Variants in DEUP1 observed in about 807,000 individuals in gnomAD.
DEUP1 encodes the protein deuterosome assembly protein 1.
DEUP1 carries 82 observed loss-of-function variants against 87.4 expected under a neutral mutation model. That is an observed-to-expected ratio of 0.94 (90% confidence interval 0.78 to 1.13). The LOEUF is 1.13. DEUP1 is among the 50% of genes most tolerant of loss of function. DEUP1 has a pLI of 0.00. For synonymous variants in DEUP1, 214 were observed against 222.7 expected (o/e 0.96, Z 0.35); for missense variants, 663 against 681.5 (o/e 0.97, Z 0.30).
chr11:93,330,988 G>C (rs1425573482), intron 1 of DEUP1, among the ~76,000 whole-genome samples: 1 of 152,256 alleles, frequency 6.6e-6, no homozygotes, highest in East Asian at 1.9e-4. Flanking sequence ...GCAGAGCTGC[G>C]CCCTAAGTTA....
At chr11:93,412,699 GCTA>G (rs1174933874) in intron 12 of DEUP1, among the ~76,000 whole-genome samples, 1 of 151,960 alleles carries the variant, frequency 6.6e-6, no homozygotes, top group Non-Finnish European at 1.5e-5. Flanking sequence ...TTCTTGAATC[GCTA>G]CTAATTTTTT....
At chr11:93,409,893 T>C (rs1403458646) in intron 12 of DEUP1, among the ~76,000 whole-genome samples, 1 of 152,152 alleles carries the variant, frequency 6.6e-6, no homozygotes, top group Non-Finnish European at 1.5e-5. Context: ...CCACAACTTA[T>C]GGTACATAAA....
intron 7 of DEUP1, among the ~76,000 whole-genome samples, chr11:93,376,810 G>C (rs556782184): frequency 3.0e-4 from 46 of 152,160 alleles, no homozygotes; most frequent in Non-Finnish European, 5.7e-4. Flanking sequence ...GGTTTTGATA[G>C]GCTGTGTTAC....
intron 13 of DEUP1, among the ~76,000 whole-genome samples, chr11:93,418,451 T>C (rs919810130): frequency 1.3e-5 from 2 of 152,164 alleles, no homozygotes; most frequent in African/African-American, 4.8e-5. Flanking sequence ...TCACTGGCCA[T>C]CAGAGAAATG....
chr11:93,389,879 A>G (rs889744247), intron 9 of DEUP1, among the ~76,000 whole-genome samples: 1 of 151,858 alleles, frequency 6.6e-6, no homozygotes, highest in Non-Finnish European at 1.5e-5. Flanking sequence ...TATTGCACCC[A>G]CATTTTTTCA....
At chr11:93,338,794 T>C (rs1183818823) in intron 2 of DEUP1, among the ~76,000 whole-genome samples, 2 of 152,108 alleles carry the variant, frequency 1.3e-5, no homozygotes, top group Non-Finnish European at 2.9e-5. Context: ...AAATAAAATA[T>C]AAATACCAAT....
chr11:93,365,921 C>A (rs1945393229), intron 5 of DEUP1, among the ~76,000 whole-genome samples: 1 of 152,176 alleles, frequency 6.6e-6, no homozygotes, highest in Non-Finnish European at 1.5e-5. Context: ...CAGTGTACCA[C>A]ATGTAGTAGT....
At chr11:93,389,323 T>A (rs1256743627) in intron 9 of DEUP1, among the ~76,000 whole-genome samples, 198 bp downstream of exon 9, 7 of 152,252 alleles carry the variant, frequency 4.6e-5, no homozygotes, top group Non-Finnish European at 1.0e-4. Flanking sequence ...GTTATCACTG[T>A]GCTACTGGGA....
chr11:93,339,013 G>A (rs1446536273), intron 2 of DEUP1, among the ~76,000 whole-genome samples: 1 of 152,166 alleles, frequency 6.6e-6, no homozygotes, highest in Non-Finnish European at 1.5e-5. Flanking sequence ...ATACCCATGT[G>A]CTTTCATGGA....
chr11:93,415,796 T>A (rs897582511), intron 13 of DEUP1, among the ~76,000 whole-genome samples: 13 of 152,126 alleles, frequency 8.5e-5, no homozygotes, highest in Non-Finnish European at 1.9e-4. Flanking sequence ...ATCACCCATA[T>A]TGTTTTATAC....
chr11:93,397,581 T>C (rs1428223790), intron 11 of DEUP1, among the ~76,000 whole-genome samples: 2 of 152,320 alleles, frequency 1.3e-5, no homozygotes, highest in East Asian at 3.9e-4. Flanking sequence ...TAATTCTGGC[T>C]CCTTTAGGTG....
intron 11 of DEUP1, among the ~76,000 whole-genome samples, chr11:93,399,055 C>G (rs1947032001): frequency 6.6e-6 from 1 of 152,074 alleles, no homozygotes; most frequent in African/African-American, 2.4e-5. Context: ...TTTTCCAAAT[C>G]TGTTGTTTGT....
intron 11 of DEUP1, among the ~76,000 whole-genome samples, chr11:93,404,178 T>C (rs1005374951): frequency 6.6e-6 from 1 of 152,074 alleles, no homozygotes; most frequent in Non-Finnish European, 1.5e-5. Context: ...TGGGACTAAC[T>C]ACCTGGTATC....
chr11:93,385,561 G>T lies in DEUP1; in HGVS notation c.935+18G>T. ...AAAACAAGGTATAATCTTTATATTT[G>T]ACAATCTGAGAGAACTGTTCAAAAC... On this transcript the variant is annotated intron_variant, in intron 8 of 13. Coordinates refer to ENST00000298050, the MANE Select transcript of DEUP1 (RefSeq NM_181645.4). 1.3e-6 allele frequency: 2 copies of T among 1,566,440 alleles called. No individual in the cohort carries two copies. The highest frequency in any genetic ancestry group is 2.4e-5 in the South Asian group (2 of 84,828).
At chr11:93,341,188 C>T (rs561055312) in intron 2 of DEUP1, among the ~76,000 whole-genome samples, 3 of 151,058 alleles carry the variant, frequency 2.0e-5, no homozygotes, top group East Asian at 3.9e-4. Flanking sequence ...AAGGCCAAGG[C>T]AGGAGGATTG....
At chr11:93,388,998 T>C in intron 8 of DEUP1, 22 bp from the exon 9 acceptor site, 1 of 1,260,004 alleles carries the variant, frequency 7.9e-7, no homozygotes, top group Non-Finnish European at 1.1e-6. Flanking sequence ...ATTTTAATCA[T>C]TATTTTATGT....
At chr11:93,361,055 G>C (rs1312255298) in intron 4 of DEUP1, among the ~76,000 whole-genome samples, 4 of 152,088 alleles carry the variant, frequency 2.6e-5, no homozygotes, top group Non-Finnish European at 4.4e-5. Flanking sequence ...AGCAGCAAGA[G>C]AGAAATGACA....
At chr11:93,395,279 G>A (rs976730552) in intron 10 of DEUP1, among the ~76,000 whole-genome samples, 6 of 152,004 alleles carry the variant, frequency 3.9e-5, no homozygotes, top group African/African-American at 1.5e-4. Flanking sequence ...CAAATGGATG[G>A]CCTACTATTG....
intron 2 of DEUP1, chr11:93,352,399 G>C: frequency 1.4e-6 from 1 of 702,456 alleles, no homozygotes; most frequent in Non-Finnish European, 2.6e-6. Flanking sequence ...CTTTGAAAAA[G>C]AACTCTGTAG....
Sources: allele counts gnomAD v4.1 joint callset (sites outside exome capture counted in the v4.1 genomes callset), GRCh38; gene constraint gnomAD v4.1.1; transcripts MANE v1.5; gene names NCBI Gene and HGNC (gene_info 2026-07-23, HGNC 2026-07-21).